The following DOCK11 variants were observed in gnomAD, a reference collection of about 807,000 sequenced individuals.
DOCK11 encodes the protein dedicator of cytokinesis 11.
DOCK11 carries 70 observed loss-of-function variants against 169.1 expected under a neutral mutation model. That is an observed-to-expected ratio of 0.41 (90% confidence interval 0.34 to 0.51). The LOEUF is 0.51. Among genes scored for constraint, DOCK11 ranks in the 20% least tolerant of loss-of-function variants. The pLI is 0.10. For synonymous variants in DOCK11, 529 were observed against 541.3 expected, an observed-to-expected ratio of 0.98 and a Z score of 0.32; for missense variants, 1,166 against 1,538.8, an observed-to-expected ratio of 0.76 and a Z score of 4.05.
At chrX:118,619,399 G>T (rs778289214) in intron 31 of DOCK11, among the ~76,000 whole-genome samples, 1 of 101,455 alleles carries the variant, frequency 9.9e-6, no homozygotes, top group East Asian at 3.2e-4. Flanking sequence ...ACTTGAACTG[G>T]GGAGGCAGGA....
chrX:118,653,406 CTATTG>C (rs1418379792), intron 42 of DOCK11, among the ~76,000 whole-genome samples: 16 of 110,178 alleles, frequency 1.5e-4, no homozygotes, highest in African/African-American at 4.6e-4. Context: ...TTTTTTATTT[CTATTG>C]TATTTATTTA....
At chrX:118,538,714 C>A in intron 1 of DOCK11, 1 of 742,902 alleles carries the variant, frequency 1.3e-6, no homozygotes, top group Non-Finnish European at 1.6e-6. Flanking sequence ...TTTATTGTAA[C>A]GGGTTTTTGG....
chrX:118,678,520 T>A (rs1455164799), intron 48 of DOCK11, among the ~76,000 whole-genome samples: 2 of 111,169 alleles, frequency 1.8e-5, no homozygotes, highest in Non-Finnish European at 3.8e-5. Context: ...TCACCCAGGC[T>A]GGAGTGCATT....
chrX:118,675,828 C>A (rs1966936120), intron 46 of DOCK11, 108 bp from the exon 47 acceptor site: 6 of 441,337 alleles, frequency 1.4e-5, no homozygotes, highest in Middle Eastern at 6.9e-4. Flanking sequence ...CCCACCAAGA[C>A]CATTTTGAAA....
At chrX:118,623,359 T>A (rs2015021913) in intron 31 of DOCK11, among the ~76,000 whole-genome samples, 1 of 112,152 alleles carries the variant, frequency 8.9e-6, no homozygotes, top group Admixed American at 9.4e-5. Context: ...TTAGGAGGAG[T>A]GTATTTCAGA....
intron 1 of DOCK11, among the ~76,000 whole-genome samples, chrX:118,510,372 T>C (rs2057642806): frequency 8.9e-6 from 1 of 112,588 alleles, no homozygotes; most frequent in African/African-American, 3.2e-5. Context: ...GTCTGCAGTC[T>C]GCAATTTCAA....
In DOCK11 at chrX:118,531,446, A is replaced by C. The variant is rs1272103812; in HGVS notation, c.103-11279A>C. ...AAAAAAAAAAAAAAAAAAAAAAAAAAAAAAACAGGAAGTGAAGCTGAGTAA... is the reference window on the plus strand; with the variant it reads ...AAAAAAAAAAAAAAAAAAAAAAAAACAAAAACAGGAAGTGAAGCTGAGTAA... On this transcript the variant is annotated intron_variant, in intron 1 of 52. Coordinates refer to ENST00000276202, the MANE Select transcript of DOCK11 (RefSeq NM_144658.4). 1.7e-4 allele frequency among the ~76,000 whole-genome samples: 16 copies of C among 96,589 alleles called. 1 individual carries two copies. Among genetic ancestry groups the C allele is most frequent in the Non-Finnish European group, 3.3e-4 (16 of 48,446 alleles). 83.9% of individuals were successfully genotyped at this position (96,589 alleles called of 115,157 possible).
At chrX:118,636,032 A>G (rs1218887129) in intron 35 of DOCK11, among the ~76,000 whole-genome samples, 2 of 112,069 alleles carry the variant, frequency 1.8e-5, no homozygotes, top group Non-Finnish European at 3.8e-5. Flanking sequence ...CATCTAAAGT[A>G]AAAACACAGC....
intron 1 of DOCK11, among the ~76,000 whole-genome samples, chrX:118,526,941 ATCT>A (rs1162384046): frequency 8.9e-6 from 1 of 111,897 alleles, no homozygotes; most frequent in African/African-American, 3.3e-5. Context: ...AATTACACCA[ATCT>A]TCCTCCTTAA....
chrX:118,631,429 CTAGGAATGTACGATT>C (rs1387368340), intron 35 of DOCK11, among the ~76,000 whole-genome samples: 106 of 111,356 alleles, frequency 9.5e-4, no homozygotes, highest in African/African-American at 3.2e-3. Flanking sequence ...TATTCAAGTT[CTAGGAATGTACGATT>C]TAGCATAAAT....
At chrX:118,507,244 T>C (rs2057619367) in intron 1 of DOCK11, among the ~76,000 whole-genome samples, 1 of 112,677 alleles carries the variant, frequency 8.9e-6, no homozygotes, top group Non-Finnish European at 1.9e-5. Flanking sequence ...TGACTGGAAA[T>C]ATTTTACTGG....
chrX:118,635,280 C>A (rs1220330317), intron 35 of DOCK11, among the ~76,000 whole-genome samples: 1 of 111,670 alleles, frequency 9.0e-6, no homozygotes, highest in Non-Finnish European at 1.9e-5. Flanking sequence ...TTTTGTGACA[C>A]CTATGCGATT....
chrX:118,594,867 T>C (rs2014111626), intron 20 of DOCK11, among the ~76,000 whole-genome samples: 1 of 109,676 alleles, frequency 9.1e-6, no homozygotes, highest in Admixed American at 9.8e-5. Context: ...GGCAGGAATG[T>C]AGGGGATTAT....
chrX:118,521,329 G>C (rs970954353), intron 1 of DOCK11, among the ~76,000 whole-genome samples: 4 of 112,285 alleles, frequency 3.6e-5, no homozygotes, highest in African/African-American at 1.3e-4. Context: ...AGGTAAGCAT[G>C]AGGCCTAAAG....
chrX:118,564,666 G>GCTTT (rs746541335), intron 7 of DOCK11, among the ~76,000 whole-genome samples: 7 of 108,481 alleles, frequency 6.5e-5, no homozygotes, highest in African/African-American at 2.3e-4. Context: ...TTGCTTGCTA[G>GCTTT]CTTTCTTTCT....
At chrX:118,599,037 G>A (rs949563854) in intron 22 of DOCK11, 102 bp from the exon 23 acceptor site, 12 of 640,356 alleles carry the variant, frequency 1.9e-5, no homozygotes, top group African/African-American at 1.8e-4. Context: ...TTAGAATACC[G>A]GATAAATAGG....
At chrX:118,630,235 C>T (rs1270186239) in intron 34 of DOCK11, 144 bp from the exon 35 acceptor site, 1 of 415,570 alleles carries the variant, frequency 2.4e-6, no homozygotes, top group East Asian at 3.6e-5. Context: ...AAGATTCAGC[C>T]CATTCACCTT....
At chrX:118,589,213 A>G (rs2013909423) in intron 18 of DOCK11, among the ~76,000 whole-genome samples, 1 of 108,806 alleles carries the variant, frequency 9.2e-6, no homozygotes, top group Non-Finnish European at 1.9e-5. Context: ...ACCTTTGAAA[A>G]GAGATTTTTT....
intron 44 of DOCK11, among the ~76,000 whole-genome samples, chrX:118,656,468 G>A (rs1165074127): frequency 1.8e-5 from 2 of 110,528 alleles, no homozygotes; most frequent in South Asian, 3.8e-4. Context: ...AAACAGAGAA[G>A]GAGATTAATT....
Sources: gnomAD v4.1 joint callset for allele counts (sites outside exome capture counted in the v4.1 genomes callset) on GRCh38, gnomAD v4.1.1 for gene constraint, MANE v1.5 for transcripts, NCBI Gene and HGNC (gene_info 2026-07-23, HGNC 2026-07-21) for gene names.